The following CCDC146 variants were observed in gnomAD, a reference collection of about 807,000 sequenced individuals.
The protein encoded by CCDC146 is coiled-coil domain-containing protein 146.
Under a neutral mutation model 119.3 loss-of-function variants are expected in CCDC146, and 92 were observed. That is an observed-to-expected ratio of 0.77 (90% confidence interval 0.65 to 0.92). CCDC146 has a LOEUF of 0.92. Among genes scored for constraint, CCDC146 ranks in the 40% least tolerant of loss-of-function variants. CCDC146 has a pLI of 0.00. For missense variants in CCDC146, 1,000 were observed against 1,103.0 expected, an observed-to-expected ratio of 0.91 and a Z score of 1.32; for synonymous variants, 372 against 371.8, an observed-to-expected ratio of 1.00 and a Z score of -0.01.
At chr7:77,243,573 A>G (rs532378050) in intron 4 of CCDC146, among the ~76,000 whole-genome samples, 186 of 152,330 alleles carry the variant, frequency 1.2e-3, no homozygotes, top group Non-Finnish European at 2.1e-3. Flanking sequence ...GACTGTCTAT[A>G]TGGTGGTGGT....
Position 77,271,052 on chromosome 7 carries a change from G to GGA in CCDC146, c.1174-2642_1174-2641insGA, listed in dbSNP as rs1196086539. ...GACTCCTGGATACATTGCAGCTCTGGAAAAAAAAAAAAAAAAACAGCATTC... is the reference window on the plus strand; with the variant it reads ...GACTCCTGGATACATTGCAGCTCTGGGAAAAAAAAAAAAAAAAAACAGCATTC... On this transcript the variant is annotated intron_variant, in intron 9 of 18. Transcript: ENST00000285871. Among the ~76,000 whole-genome samples the GGA allele has an allele frequency of 1.9e-3, 259 of 134,394 alleles. 3 individuals carry two copies. Among genetic ancestry groups the GGA allele is most frequent in the African/African-American group, 5.9e-3 (212 of 35,970 alleles). The allele number at this position is 134,394 out of a possible 152,430, so 88.2% of individuals were successfully genotyped here. A position where few individuals can be genotyped will look rare whatever the true frequency, so the allele number is the denominator to read the frequency against.
intron 1 of CCDC146, among the ~76,000 whole-genome samples, chr7:77,124,632 A>C (rs1312591195): frequency 6.6e-6 from 1 of 152,224 alleles, no homozygotes; most frequent in African/African-American, 2.4e-5. Flanking sequence ...AAAATTATAT[A>C]CAACTTTTTT....
At chr7:77,266,096 G>A (rs1180057388) in intron 9 of CCDC146, among the ~76,000 whole-genome samples, 1 of 152,108 alleles carries the variant, frequency 6.6e-6, no homozygotes, top group East Asian at 1.9e-4. Flanking sequence ...ATGATTCCTA[G>A]GATTTTGCTC....
rs145870073 is a variant in CCDC146, at chr7:77,196,543, A to G, written c.156+28719A>G. ...TATCTGGAGTGGTGAAAAACTTCAG[A>G]TCGTGGTTGTAATGTTTGTTGAAAC... On this transcript the variant is annotated intron_variant, in intron 2 of 18. Transcript: ENST00000285871. This position sits in a 1 kb window ranked among gnomAD's most constrained non-coding sequence, Gnocchi z 4.2. The G allele has an allele frequency of 4.0e-5, 64 of 1,614,046 alleles. No homozygotes were observed. In the African/African-American group the frequency reaches 8.4e-4, roughly 21 times the overall value.
intron 1 of CCDC146, among the ~76,000 whole-genome samples, chr7:77,161,101 C>A (rs1213272942): frequency 6.6e-6 from 1 of 152,176 alleles, no homozygotes; most frequent in African/African-American, 2.4e-5. Context: ...CATCTCACAC[C>A]AGTTAGAATG....
intron 2 of CCDC146, among the ~76,000 whole-genome samples, chr7:77,170,038 A>G (rs1791396653): frequency 6.6e-6 from 1 of 152,168 alleles, no homozygotes; most frequent in African/African-American, 2.4e-5. Context: ...GATACAGGGC[A>G]TACATGTACA....
intron 2 of CCDC146, among the ~76,000 whole-genome samples, chr7:77,221,405 T>C (rs1792400805): frequency 6.6e-6 from 1 of 152,210 alleles, no homozygotes; most frequent in South Asian, 2.1e-4. Flanking sequence ...ATGATAAATA[T>C]CAAATTTATG....
At chr7:77,234,251 G>GT (rs1454804742) in intron 2 of CCDC146, among the ~76,000 whole-genome samples, 1 of 56,554 alleles carries the variant, frequency 1.8e-5, no homozygotes, top group Non-Finnish European at 3.2e-5. Context: ...ATTTGTAAAG[G>GT]CTTTTTTTTT....
At chr7:77,150,558 A>T (rs1012650693) in intron 1 of CCDC146, among the ~76,000 whole-genome samples, 3 of 152,242 alleles carry the variant, frequency 2.0e-5, no homozygotes, top group African/African-American at 7.2e-5. Flanking sequence ...TGACAATGCC[A>T]TGTGTTAACA....
At chr7:77,193,049 A>T (rs1400137447) in intron 2 of CCDC146, among the ~76,000 whole-genome samples, 1 of 151,796 alleles carries the variant, frequency 6.6e-6, no homozygotes, top group Non-Finnish European at 1.5e-5. Flanking sequence ...TGAAAGTTGG[A>T]CTGGAATAGA....
chr7:77,185,078 C>T (rs1791643040), intron 2 of CCDC146, among the ~76,000 whole-genome samples: 1 of 151,882 alleles, frequency 6.6e-6, no homozygotes, highest in African/African-American at 2.4e-5. Flanking sequence ...TTGTAGATAA[C>T]AGAGGCTTTT....
chr7:77,216,667 T>C (rs1792306852), intron 2 of CCDC146, among the ~76,000 whole-genome samples: 1 of 152,176 alleles, frequency 6.6e-6, no homozygotes, highest in South Asian at 2.1e-4. Flanking sequence ...TGCCTGGAAA[T>C]AATTTTCTCA....
chr7:77,205,186 T>C (rs1792061461), intron 2 of CCDC146, among the ~76,000 whole-genome samples: 1 of 152,188 alleles, frequency 6.6e-6, no homozygotes. Flanking sequence ...CTCATATTCA[T>C]GGTAGTTGTT....
intron 3 of CCDC146, among the ~76,000 whole-genome samples, chr7:77,237,299 G>C (rs1792756454): frequency 6.6e-6 from 1 of 152,142 alleles, no homozygotes; most frequent in Non-Finnish European, 1.5e-5. Context: ...GCCTCTGAGT[G>C]GCTCACCTCA....
chr7:77,240,977 T>G (rs1195891724), intron 3 of CCDC146, among the ~76,000 whole-genome samples: 2 of 150,732 alleles, frequency 1.3e-5, no homozygotes, highest in African/African-American at 2.5e-5. Context: ...TTTTTGTTTT[T>G]TTTTGTTTGT....
At chr7:77,227,322 C>G (rs924061598) in intron 2 of CCDC146, among the ~76,000 whole-genome samples, 1 of 152,050 alleles carries the variant, frequency 6.6e-6, no homozygotes, top group African/African-American at 2.4e-5. Flanking sequence ...TGTTTGTTTT[C>G]TGAGACGGAG....
At chr7:77,190,452 G>A (rs554932105) in intron 2 of CCDC146, among the ~76,000 whole-genome samples, 21 of 152,244 alleles carry the variant, frequency 1.4e-4, no homozygotes, top group African/African-American at 5.1e-4. Flanking sequence ...ACTGATACTG[G>A]GGCATGCCCT....
At chr7:77,238,187 A>AC in intron 3 of CCDC146, among the ~76,000 whole-genome samples, 1 of 151,610 alleles carries the variant, frequency 6.6e-6, no homozygotes, top group African/African-American at 2.4e-5. Context: ...CCAAGTCCTC[A>AC]CCCCCACACC....
chr7:77,177,363 C>T (rs151232374), intron 2 of CCDC146, among the ~76,000 whole-genome samples: 1,562 of 152,172 alleles, frequency 0.01, 31 homozygotes, highest in African/African-American at 0.034. Context: ...AAGGAGCTTA[C>T]GAAGTAGTTT....
Sources: gnomAD v4.1 joint callset for allele counts (sites outside exome capture counted in the v4.1 genomes callset) on GRCh38, gnomAD v4.1.1 for gene constraint, Gnocchi (gnomAD v3.1) non-coding constraint, MANE v1.5 for transcripts, NCBI Gene and HGNC (gene_info 2026-07-23, HGNC 2026-07-21) for gene names.